RNFT2: variants seen among roughly 807,000 people sequenced by gnomAD.
The protein encoded by RNFT2 is ring finger protein, transmembrane 2.
In RNFT2, 36 loss-of-function variants were observed where a neutral mutation model predicts 53.0. The observed-to-expected ratio is 0.68, with a 90% CI of 0.52 to 0.90. The LOEUF (loss-of-function observed/expected upper bound fraction) is 0.90, where lower values mean the gene tolerates loss of function less well. Among genes scored for constraint, RNFT2 ranks in the 40% least tolerant of loss-of-function variants. The pLI, the probability that RNFT2 is intolerant of heterozygous loss-of-function variation, is 0.00. For synonymous variants in RNFT2, 260 were observed against 253.2 expected (o/e 1.03, Z -0.26); for missense variants, 514 against 585.6 (o/e 0.88, Z 1.26).
At chr12:116,831,854 GCAGCAGCTCACAC>G (rs1876669097) in intron 7 of RNFT2, among the ~76,000 whole-genome samples, 1 of 151,916 alleles carries the variant, frequency 6.6e-6, no homozygotes, top group African/African-American at 2.4e-5. Context: ...TAGGCCAGGT[GCAGCAGCTCACAC>G]CAGTAATTCC....
intron 7 of RNFT2, among the ~76,000 whole-genome samples, chr12:116,812,574 A>C (rs1592973687): frequency 1.3e-5 from 2 of 148,660 alleles, no homozygotes; most frequent in East Asian, 2.0e-4. Context: ...TCACTCTGTC[A>C]CCCAGGCTGG....
At chr12:116,838,419 G>A (rs1347716585) in intron 10 of RNFT2, among the ~76,000 whole-genome samples, 2 of 152,180 alleles carry the variant, frequency 1.3e-5, no homozygotes, top group African/African-American at 2.4e-5. Flanking sequence ...ATTTCTAGTG[G>A]AAGAATTACT....
Position 116,779,270 on chromosome 12 carries a change from T to G in RNFT2, c.804T>G (p.Phe268Leu). The G allele has an allele frequency of 6.2e-7, 1 of 1,613,998 alleles. No homozygotes were observed. The change falls in exon 7 of 11, where the codon TTT (phenylalanine) becomes TTG (leucine). Residue 268 changes from phenylalanine (F) to leucine (L), a missense_variant. Around this residue, in one of 3 missense-constraint regions of RNFT2, gnomAD observed 273 missense variants for 334.4 expected, o/e 0.82. Transcript: ENST00000257575. ...TATGGATTGTGGGGATCGCAGACTT[T>G]GTTCTGAAGTACATCACCATCGCCC... ...DLLWIVGIAD[F>L]VLKYITIALK... is the part of the protein sequence containing the mutation.
rs534106628 is a variant in RNFT2 at position 116,795,267 on chromosome 12, G to C, written c.882+15919G>C. ...CCATAAAAATACAAAAATTAGCCGG[G>C]TGTGGTGGCATGTGCCTGTAATCCC... is the stretch of plus-strand genomic sequence containing the variant. On this transcript the variant is annotated intron_variant, in intron 7 of 10. Coordinates refer to ENST00000257575, the MANE Select transcript of RNFT2 (RefSeq NM_001382266.1). Among the ~76,000 whole-genome samples, 36 of 152,110 alleles carry C rather than the reference G, an allele frequency of 2.4e-4. No individual in the cohort carries two copies. The Middle Eastern group carries it at 0.014, about 58-fold the overall frequency.
intron 7 of RNFT2, among the ~76,000 whole-genome samples, chr12:116,787,645 T>C (rs533082689): frequency 6.6e-6 from 1 of 151,460 alleles, no homozygotes; most frequent in East Asian, 1.9e-4. Flanking sequence ...AGCCCAGGAG[T>C]TGAGGTTGCA....
chr12:116,842,992 A>C (rs548122937), intron 10 of RNFT2, among the ~76,000 whole-genome samples: 3 of 152,232 alleles, frequency 2.0e-5, no homozygotes, highest in Admixed American at 2.0e-4. Context: ...CTGAACACCA[A>C]GTGCTAGGTC....
chr12:116,794,842 C>T (rs1341489154), intron 7 of RNFT2, among the ~76,000 whole-genome samples: 1 of 152,052 alleles, frequency 6.6e-6, no homozygotes, highest in African/African-American at 2.4e-5. Context: ...CCCTGTCTCA[C>T]CAATTTCACT....
chr12:116,739,070 G>GC (rs1213458891), intron 1 of RNFT2, among the ~76,000 whole-genome samples: 5 of 152,108 alleles, frequency 3.3e-5, no homozygotes, highest in Non-Finnish European at 5.9e-5. Flanking sequence ...CACCATTGCT[G>GC]CCCCCTCAAG....
intron 7 of RNFT2, among the ~76,000 whole-genome samples, chr12:116,802,726 T>G (rs1184147120): frequency 1.3e-5 from 2 of 152,180 alleles, no homozygotes; most frequent in East Asian, 3.9e-4. Context: ...GGCCTCCAGA[T>G]CTGGGAGAGA....
At chr12:116,775,184 G>A (rs944620271) in intron 6 of RNFT2, among the ~76,000 whole-genome samples, 4 of 151,576 alleles carry the variant, frequency 2.6e-5, no homozygotes, top group East Asian at 3.9e-4. Flanking sequence ...CGCCTGAACC[G>A]GGGAGGTAGA....
intron 4 of RNFT2, among the ~76,000 whole-genome samples, chr12:116,751,762 TTTTG>T (rs1205538729): frequency 6.6e-6 from 1 of 151,830 alleles, no homozygotes; most frequent in Non-Finnish European, 1.5e-5. Context: ...TTGTTTTTGT[TTTTG>T]TTTTTGTTTT....
At chr12:116,757,546 A>C (rs1045397937) in intron 5 of RNFT2, among the ~76,000 whole-genome samples, 9 of 152,090 alleles carry the variant, frequency 5.9e-5, no homozygotes, top group Non-Finnish European at 1.2e-4. Context: ...AGTTTGAAGA[A>C]TTTTTTAATT....
At chr12:116,832,746 G>A (rs1444102371) in intron 7 of RNFT2, among the ~76,000 whole-genome samples, 2 of 152,102 alleles carry the variant, frequency 1.3e-5, no homozygotes, top group African/African-American at 4.8e-5. Flanking sequence ...AATAATGCTA[G>A]GTGCTTATCC....
chr12:116,745,693 G>A (rs771543074), intron 3 of RNFT2, among the ~76,000 whole-genome samples: 5 of 152,216 alleles, frequency 3.3e-5, no homozygotes, highest in Non-Finnish European at 5.9e-5. Context: ...GAATTCTGTG[G>A]TCAAATAAGT....
At chr12:116,758,386 T>C (rs1365298061) in intron 5 of RNFT2, among the ~76,000 whole-genome samples, 1 of 152,170 alleles carries the variant, frequency 6.6e-6, no homozygotes, top group Admixed American at 6.5e-5. Flanking sequence ...TGTACTTTGG[T>C]TTTTTCATTT....
At chr12:116,788,843 G>A (rs761583829) in intron 7 of RNFT2, among the ~76,000 whole-genome samples, 49 of 151,894 alleles carry the variant, frequency 3.2e-4, no homozygotes, top group Non-Finnish European at 6.6e-4. Context: ...TGGATGGATG[G>A]ATGGATAAAT....
chr12:116,752,137 G>C (rs544715730), intron 4 of RNFT2, among the ~76,000 whole-genome samples: 1 of 151,846 alleles, frequency 6.6e-6, no homozygotes, highest in Admixed American at 6.6e-5. Flanking sequence ...ATTGCTTGAG[G>C]CTGGGAGTTC....
chr12:116,836,066 T>A (rs1408695810), intron 9 of RNFT2, 41 bp downstream of exon 9: 4 of 1,612,004 alleles, frequency 2.5e-6, no homozygotes, highest in African/African-American at 1.3e-5. Flanking sequence ...GTCCTGAGAA[T>A]CAGGAACTGG....
At chr12:116,778,443 G>A (rs2137115746) in intron 6 of RNFT2, among the ~76,000 whole-genome samples, 1 of 152,348 alleles carries the variant, frequency 6.6e-6, no homozygotes, top group East Asian at 1.9e-4. Context: ...GGTTTTGTCT[G>A]CTTCCCCTTT....
Sources: gnomAD v4.1 joint callset for allele counts (sites outside exome capture counted in the v4.1 genomes callset) on GRCh38, gnomAD v4.1.1 for gene constraint, gnomAD v4.1.1 regional missense constraint, MANE v1.5 for transcripts, NCBI Gene and HGNC (gene_info 2026-07-23, HGNC 2026-07-21) for gene names.